Variants in RIMKLB observed in about 807,000 individuals in gnomAD.
RIMKLB encodes beta-citrylglutamate synthase B.
RIMKLB carries 7 observed loss-of-function variants against 32.0 expected under a neutral mutation model. That is an observed-to-expected ratio of 0.22 (90% CI 0.12 to 0.41). RIMKLB has a LOEUF of 0.41. Among genes scored for constraint, RIMKLB ranks in the 10% least tolerant of loss-of-function variants. The pLI, the probability that RIMKLB is intolerant of heterozygous loss-of-function variation, is 1.00. For synonymous variants in RIMKLB, 172 were observed against 185.1 expected, an observed-to-expected ratio of 0.93 and a Z score of 0.57; for missense variants, 289 against 498.7, an observed-to-expected ratio of 0.58 and a Z score of 4.00.
chr12:8,765,683 C>G (rs981204044), intron 5 of RIMKLB, among the ~76,000 whole-genome samples: 6 of 152,156 alleles, frequency 3.9e-5, no homozygotes, highest in African/African-American at 1.4e-4. Flanking sequence ...GGGGCATAAT[C>G]GGGAAATATT....
At chr12:8,675,800 T>C in the RIMKLB span, among the ~76,000 whole-genome samples, 2 of 151,708 alleles carry the variant, frequency 1.3e-5, no homozygotes, top group East Asian at 3.9e-4. Context: ...TTTTTCTTTT[T>C]TTTTTTTTTT....
rs1258413375 is a variant in RIMKLB at position 8,754,219 on chromosome 12, A to C, written c.697+126A>C. The C allele has an allele frequency of 4.4e-6, 3 of 684,396 alleles. No individual in the cohort carries two copies. The East Asian group carries it at 8.1e-5, about 19-fold the overall frequency. 42.4% of individuals were successfully genotyped at this position (684,396 alleles called of 1,614,324 possible). ...AAAAACGTATTTCCTTTTACATGTA[A>C]ATATGATTTTTACACATGCCATCAA... is the stretch of plus-strand genomic sequence containing the variant. On this transcript the variant is annotated intron_variant, in intron 5 of 5. Coordinates refer to ENST00000535829, the MANE Select transcript of RIMKLB (RefSeq NM_001297776.2).
chr12:8,744,374 G>A (rs1356956213), intron 2 of RIMKLB, among the ~76,000 whole-genome samples: 3 of 151,838 alleles, frequency 2.0e-5, no homozygotes, highest in African/African-American at 7.3e-5. Context: ...TTTTCCGGTG[G>A]CAACAGATAG....
downstream of RIMKLB, among the ~76,000 whole-genome samples, chr12:8,777,997 T>C (rs758176466): frequency 6.6e-6 from 1 of 152,366 alleles, no homozygotes; most frequent in South Asian, 2.1e-4. Context: ...GGTTATGATA[T>C]ACTCAAGACT....
At chr12:8,777,559 A>G, downstream of RIMKLB, 1 of 1,264,246 alleles carries the variant, frequency 7.9e-7, no homozygotes, top group Non-Finnish European at 1.0e-6. Flanking sequence ...GAAATATTCT[A>G]ACTGCTTGCA....
At chr12:8,752,119 T>C (rs950404538) in intron 4 of RIMKLB, 76 bp downstream of exon 4, 15 of 935,468 alleles carry the variant, frequency 1.6e-5, no homozygotes, top group Admixed American at 8.0e-5. Context: ...CTTTGAAGAA[T>C]AGTTAGAGGG....
downstream of RIMKLB, chr12:8,777,260 A>G: frequency 1.0e-6 from 1 of 968,364 alleles, no homozygotes; most frequent in South Asian, 4.8e-5. Flanking sequence ...AAAACAAAAC[A>G]AAGTTTCATT....
At chr12:8,696,423 A>G (rs755213118), upstream of RIMKLB, among the ~76,000 whole-genome samples, 1 of 152,356 alleles carries the variant, frequency 6.6e-6, no homozygotes, top group African/African-American at 2.4e-5. Context: ...TAAACCAACT[A>G]GACGCCTATC....
chr12:8,775,927 A>T lies in RIMKLB; in HGVS notation c.*2143A>T. 1 of 983,922 alleles carries T rather than the reference A, an allele frequency of 1.0e-6. No individual in the cohort carries two copies. The highest frequency in any genetic ancestry group is 1.2e-6 in the Non-Finnish European group (1 of 828,556). The allele number at this position is 983,922 out of a possible 1,614,324, so 60.9% of individuals were successfully genotyped here. On this transcript the variant is annotated 3_prime_UTR_variant, in exon 6 of 6. Coordinates refer to ENST00000535829, the MANE Select transcript of RIMKLB (RefSeq NM_001297776.2). ...ACCTCTGACTCATTAACAGAAAGAA[A>T]TACTTGGTACTTCTTTCGCTGAATG...
chr12:8,773,127 A>G (rs1271003826), intron 5 of RIMKLB, among the ~76,000 whole-genome samples, 194 bp from the exon 6 acceptor site: 2 of 151,932 alleles, frequency 1.3e-5, no homozygotes, highest in Non-Finnish European at 2.9e-5. Context: ...CGAAATCATC[A>G]ATTCCTGGGA....
At chr12:8,733,305 CAAA>C (rs199919674) in intron 2 of RIMKLB, among the ~76,000 whole-genome samples, 6 of 113,306 alleles carry the variant, frequency 5.3e-5, no homozygotes, top group East Asian at 2.6e-4. Flanking sequence ...CTTGTTAAAG[CAAA>C]AAAAAAAAAA....
rs1294255640 is a variant in RIMKLB at position 8,775,234 on chromosome 12, G to A, written c.*1450G>A. The A allele has an allele frequency of 1.6e-5, 16 of 985,504 alleles. No individual in the cohort carries two copies. Among genetic ancestry groups the A allele is most frequent in the Non-Finnish European group, 1.9e-5 (16 of 829,806 alleles). 61.0% of individuals were successfully genotyped at this position (985,504 alleles called of 1,614,324 possible). Reference sequence around the variant, plus strand: ...ATTTGGGATTGGGGGTGGGTTGGATGTTTTTGTTTGGGGACTTATTTAGTA... The same window carrying A: ...ATTTGGGATTGGGGGTGGGTTGGATATTTTTGTTTGGGGACTTATTTAGTA... On this transcript the variant is annotated 3_prime_UTR_variant, in exon 6 of 6. Transcript: ENST00000535829.
intron 5 of RIMKLB, among the ~76,000 whole-genome samples, chr12:8,758,758 G>A (rs1048775315): frequency 6.6e-6 from 1 of 152,098 alleles, no homozygotes; most frequent in East Asian, 1.9e-4. Context: ...ATGAATAACC[G>A]GTTGTCTGAA....
At chr12:8,670,118 A>G in the RIMKLB span, among the ~76,000 whole-genome samples, 9 of 151,230 alleles carry the variant, frequency 6.0e-5, no homozygotes, top group African/African-American at 2.2e-4. Context: ...GTGGGAATTC[A>G]CCGAAGTTGA....
chr12:8,732,072 T>G (rs1946596344), intron 2 of RIMKLB, among the ~76,000 whole-genome samples: 1 of 152,024 alleles, frequency 6.6e-6, no homozygotes, highest in Non-Finnish European at 1.5e-5. Context: ...GCTTGGTGTC[T>G]TGGGTCCCTT....
Position 8,776,717 on chromosome 12 carries a change from G to A in RIMKLB, c.*2933G>A. The A allele has an allele frequency of 1.0e-6, 1 of 984,734 alleles. No homozygotes were observed. Among genetic ancestry groups the A allele is most frequent in the African/African-American group, 1.8e-5 (1 of 57,106 alleles). 61.0% of individuals were successfully genotyped at this position (984,734 alleles called of 1,614,324 possible). A position where few individuals can be genotyped will look rare whatever the true frequency, so the allele number is the denominator to read the frequency against. ...CTATAATTGATTGGTCATTTCTGCTGGCTTTTCTCCAATGAACATTGAAAT... is the reference window on the plus strand; with the variant it reads ...CTATAATTGATTGGTCATTTCTGCTAGCTTTTCTCCAATGAACATTGAAAT... On this transcript the variant is annotated 3_prime_UTR_variant, in exon 6 of 6. Coordinates refer to ENST00000535829, the MANE Select transcript of RIMKLB (RefSeq NM_001297776.2).
chr12:8,721,208 T>G (rs556707372), intron 2 of RIMKLB, among the ~76,000 whole-genome samples: 90 of 152,212 alleles, frequency 5.9e-4, no homozygotes, highest in Non-Finnish European at 1.0e-3. Context: ...AAACTTTTGG[T>G]TGATGGCTAC....
At chr12:8,754,740 T>C (rs1328442514) in intron 5 of RIMKLB, among the ~76,000 whole-genome samples, 1 of 152,212 alleles carries the variant, frequency 6.6e-6, no homozygotes, top group Non-Finnish European at 1.5e-5. Flanking sequence ...CAATGTGTTC[T>C]ACCTGTAGTT....
At chr12:8,726,990 C>T (rs909237242) in intron 2 of RIMKLB, among the ~76,000 whole-genome samples, 3 of 152,044 alleles carry the variant, frequency 2.0e-5, no homozygotes, top group Non-Finnish European at 4.4e-5. Context: ...AAAGTGGTTA[C>T]CCTAGGGTTT....
Sources: allele counts gnomAD v4.1 joint callset (sites outside exome capture counted in the v4.1 genomes callset), GRCh38; gene constraint gnomAD v4.1.1; transcripts MANE v1.5; gene names NCBI Gene and HGNC (gene_info 2026-07-23, HGNC 2026-07-21).